Variants in CERS6 observed in about 807,000 individuals in gnomAD.
CERS6 encodes ceramide synthase 6, also known as LAG1 homolog, ceramide synthase 6.
A neutral mutation model predicts 56.8 loss-of-function variants in CERS6; 26 were observed. The ratio of observed to expected loss-of-function variants is 0.46; its 90% confidence interval spans 0.34 to 0.63. CERS6 has a LOEUF of 0.63. Ranked by LOEUF, CERS6 falls within the 30% of genes least tolerant of loss-of-function variation. CERS6 has a pLI of 0.01. For missense variants in CERS6, 415 were observed against 467.5 expected (o/e 0.89, Z 1.04); for synonymous variants, 164 against 173.3 (o/e 0.95, Z 0.42).
At chr2:168,605,914 C>T (rs1202075463) in intron 3 of CERS6, among the ~76,000 whole-genome samples, 2 of 152,228 alleles carry the variant, frequency 1.3e-5, no homozygotes, top group Non-Finnish European at 2.9e-5. Context: ...CATGGAGAAC[C>T]TGTACTAGGG....
chr2:168,538,255 A>AAT (rs1288641958), intron 1 of CERS6, among the ~76,000 whole-genome samples: 2 of 151,970 alleles, frequency 1.3e-5, no homozygotes, highest in African/African-American at 2.4e-5. Context: ...AAAAAAAAAA[A>AAT]AAAAGTCCCT....
At chr2:168,714,703 G>A (rs1379413576) in intron 6 of CERS6, among the ~76,000 whole-genome samples, 2 of 152,118 alleles carry the variant, frequency 1.3e-5, no homozygotes, top group African/African-American at 2.4e-5. Flanking sequence ...GAAGTGCTTT[G>A]CCCTTTTTGC....
At chr2:168,719,697 C>A (rs1008127375) in intron 8 of CERS6, among the ~76,000 whole-genome samples, 1 of 152,148 alleles carries the variant, frequency 6.6e-6, no homozygotes, top group Non-Finnish European at 1.5e-5. Context: ...TATCAGCAAT[C>A]CATGGTCCTC....
intron 1 of CERS6, among the ~76,000 whole-genome samples, chr2:168,504,550 C>A (rs1008996634): frequency 1.3e-5 from 2 of 152,136 alleles, no homozygotes; most frequent in Non-Finnish European, 2.9e-5. Context: ...GAGAAACTGA[C>A]TTCCTGGGTT....
intron 4 of CERS6, among the ~76,000 whole-genome samples, chr2:168,657,625 G>C (rs1025672052): frequency 6.6e-6 from 1 of 152,230 alleles, no homozygotes; most frequent in Non-Finnish European, 1.5e-5. Flanking sequence ...CAAGTGCAGC[G>C]CCTGTGGACC....
intron 8 of CERS6, among the ~76,000 whole-genome samples, chr2:168,746,251 A>G (rs1445647138): frequency 6.6e-6 from 1 of 152,240 alleles, no homozygotes; most frequent in East Asian, 1.9e-4. Flanking sequence ...TTATAGCCAG[A>G]GACTGGAGCA....
intron 1 of CERS6, among the ~76,000 whole-genome samples, chr2:168,519,375 T>A (rs1211573398): frequency 6.6e-6 from 1 of 152,202 alleles, no homozygotes; most frequent in African/African-American, 2.4e-5. Context: ...CTTTTAAAAA[T>A]TTTTTTAAAA....
At chr2:168,699,047 G>A (rs565407632) in intron 6 of CERS6, among the ~76,000 whole-genome samples, 74 of 152,266 alleles carry the variant, frequency 4.9e-4, no homozygotes, top group African/African-American at 1.7e-3. Flanking sequence ...TCATTAGGAA[G>A]GCCTTTTCCT....
intron 2 of CERS6, among the ~76,000 whole-genome samples, chr2:168,560,140 G>A (rs1180343813): frequency 6.6e-6 from 1 of 152,108 alleles, no homozygotes; most frequent in Non-Finnish European, 1.5e-5. Context: ...TGTCCCATAT[G>A]GTGGCAGACA....
At chr2:168,637,214 A>G (rs1240219674) in intron 4 of CERS6, among the ~76,000 whole-genome samples, 2 of 152,214 alleles carry the variant, frequency 1.3e-5, no homozygotes, top group Non-Finnish European at 2.9e-5. Context: ...ACGGTGGCTC[A>G]CGCCTGTAAT....
intron 1 of CERS6, among the ~76,000 whole-genome samples, chr2:168,505,397 AAAAAG>A (rs1443089355): frequency 2.7e-5 from 4 of 147,318 alleles, no homozygotes; most frequent in African/African-American, 1.0e-4. Flanking sequence ...AAAAAAAAAA[AAAAAG>A]AAAAAAAAAG....
chr2:168,654,278 G>A (rs1456088139), intron 4 of CERS6, among the ~76,000 whole-genome samples: 2 of 152,156 alleles, frequency 1.3e-5, no homozygotes. Context: ...GCCTGGTGTG[G>A]TGGCTAATGC....
At chr2:168,459,026 T>C (rs1030542799) in intron 1 of CERS6, among the ~76,000 whole-genome samples, 2 of 152,262 alleles carry the variant, frequency 1.3e-5, no homozygotes, top group Non-Finnish European at 2.9e-5. Flanking sequence ...ATTTTGTATA[T>C]ACATCCTTTT....
At chr2:168,685,713 G>A (rs1458115146) in intron 4 of CERS6, among the ~76,000 whole-genome samples, 2 of 152,050 alleles carry the variant, frequency 1.3e-5, no homozygotes, top group Admixed American at 1.3e-4. Context: ...ACTTGCACCA[G>A]CGCTTCTGGC....
intron 2 of CERS6, among the ~76,000 whole-genome samples, chr2:168,559,954 G>T (rs1431875607): frequency 6.6e-6 from 1 of 151,654 alleles, no homozygotes; most frequent in Non-Finnish European, 1.5e-5. Flanking sequence ...GTGATTGTTG[G>T]CTAGACATTC....
chr2:168,698,588 C>T (rs879420377), intron 6 of CERS6, among the ~76,000 whole-genome samples: 1 of 152,140 alleles, frequency 6.6e-6, no homozygotes, highest in Non-Finnish European at 1.5e-5. Context: ...GATCCAATCA[C>T]CTCCCACCAG....
intron 4 of CERS6, among the ~76,000 whole-genome samples, chr2:168,640,177 G>C (rs1335864545): frequency 2.0e-5 from 3 of 152,148 alleles, no homozygotes; most frequent in African/African-American, 7.2e-5. Flanking sequence ...TTCTCGATAT[G>C]GATAGTGATG....
chr2:168,470,579 G>T (rs965466903), intron 1 of CERS6, among the ~76,000 whole-genome samples: 3 of 152,170 alleles, frequency 2.0e-5, no homozygotes, highest in African/African-American at 7.2e-5. Flanking sequence ...TCCTTAGCAT[G>T]CCTGTGTTAC....
intron 3 of CERS6, among the ~76,000 whole-genome samples, chr2:168,601,171 C>T (rs1683924188): frequency 6.6e-6 from 1 of 152,182 alleles, no homozygotes; most frequent in South Asian, 2.1e-4. Context: ...TAAAAATATA[C>T]ATTGTCAGCT....
Sources: gnomAD v4.1 joint callset for allele counts (sites outside exome capture counted in the v4.1 genomes callset) on GRCh38, gnomAD v4.1.1 for gene constraint, MANE v1.5 for transcripts, NCBI Gene and HGNC (gene_info 2026-07-23, HGNC 2026-07-21) for gene names.